The following LTBP1 variants were observed in gnomAD, a reference collection of about 807,000 sequenced individuals.
LTBP1 encodes the protein latent-transforming growth factor beta-binding protein 1.
In LTBP1, 129 loss-of-function variants were observed where a neutral mutation model predicts 207.6. The observed-to-expected ratio is 0.62, with a 90% CI of 0.54 to 0.72. The LOEUF is 0.72. LTBP1 is among the 30% of genes least tolerant of loss of function. The probability of loss-of-function intolerance (pLI) is 0.00; values close to 1 mark genes in which losing one functional copy is unlikely to be tolerated. For missense variants in LTBP1, 2,281 were observed against 2,217.2 expected, an observed-to-expected ratio of 1.03 and a Z score of -0.58; for synonymous variants, 963 against 833.7, an observed-to-expected ratio of 1.16 and a Z score of -2.67.
chr2:33,365,231 T>C (rs915829245), intron 30 of LTBP1, 102 bp from the exon 31 acceptor site: 2 of 1,007,916 alleles, frequency 2.0e-6, no homozygotes, highest in South Asian at 3.0e-5. Context: ...AAGTCACTCT[T>C]AGAAATAGAG....
chr2:33,290,588 C>T (rs1344700023), intron 19 of LTBP1, among the ~76,000 whole-genome samples: 1 of 152,134 alleles, frequency 6.6e-6, no homozygotes, highest in African/African-American at 2.4e-5. Context: ...AATTAAAAGA[C>T]TGTGGCAGTA....
intron 2 of LTBP1, among the ~76,000 whole-genome samples, chr2:32,959,621 A>ATATATATATATTTTT (rs1475834284): frequency 2.7e-5 from 1 of 36,668 alleles, no homozygotes; most frequent in African/African-American, 9.6e-5. Context: ...ATATATATAT[A>ATATATATATATTTTT]TTTTTTTTTT....
Position 33,300,566 on chromosome 2 carries a change from G to A in LTBP1, c.3351G>A (p.Gln1117=), listed in dbSNP as rs973728659. Residue 1117 remains glutamine (Q), a synonymous_variant, in exon 21 of 34, where the codon CAG becomes CAA. Transcript: ENST00000404816. ...QGYQLSAAKD[Q]CEDIDECQHR... is the part of the protein sequence containing the mutation. ...ACCAGCTGTCGGCAGCTAAAGACCA[G>A]TGTGAAGGTAAGAGGGTAGTAACAT... 3 of 1,613,088 alleles carry A rather than the reference G, an allele frequency of 1.9e-6. No individual in the cohort carries two copies. Among genetic ancestry groups the A allele is most frequent in the Non-Finnish European group, 2.5e-6 (3 of 1,179,356 alleles).
chr2:33,069,344 C>T (rs1363569899), intron 3 of LTBP1, among the ~76,000 whole-genome samples: 1 of 152,204 alleles, frequency 6.6e-6, no homozygotes, highest in Non-Finnish European at 1.5e-5. Context: ...TCCTCCTGTG[C>T]ATGGGAATAT....
intron 2 of LTBP1, among the ~76,000 whole-genome samples, chr2:32,981,594 C>T (rs1682771295): frequency 6.6e-6 from 1 of 152,118 alleles, no homozygotes; most frequent in Non-Finnish European, 1.5e-5. Context: ...ATTTTTAGAA[C>T]AATAAAACTA....
intron 26 of LTBP1, among the ~76,000 whole-genome samples, chr2:33,353,670 C>T (rs958516672): frequency 2.6e-5 from 4 of 151,974 alleles, no homozygotes; most frequent in African/African-American, 4.8e-5. Context: ...TTCACACTTC[C>T]GTGTAGGAAG....
intron 3 of LTBP1, among the ~76,000 whole-genome samples, chr2:33,057,756 T>C (rs558829238): frequency 1.3e-5 from 2 of 152,196 alleles, no homozygotes. Context: ...CACCGGGAAC[T>C]CTAGCTGGCC....
intron 24 of LTBP1, among the ~76,000 whole-genome samples, chr2:33,335,103 G>T (rs569626645): frequency 6.6e-6 from 1 of 150,790 alleles, no homozygotes; most frequent in African/African-American, 2.4e-5. Context: ...GGGCAACAGA[G>T]TGAGACCCTG....
intron 24 of LTBP1, among the ~76,000 whole-genome samples, chr2:33,334,965 G>A (rs1301980894): frequency 6.6e-6 from 1 of 151,192 alleles, no homozygotes; most frequent in South Asian, 2.1e-4. Context: ...TGTGGTCCCA[G>A]CTATTTGAGA....
At position 33,134,519 on chromosome 2, in the gene LTBP1, C is replaced by G. The variant is rs1164609518; in HGVS notation, c.1034-274C>G. 8.2e-6 allele frequency: 12 copies of G among 1,464,196 alleles called. No homozygotes were observed. The highest frequency in any genetic ancestry group is 1.1e-5 in the Non-Finnish European group (12 of 1,084,090). 90.7% of individuals were successfully genotyped at this position (1,464,196 alleles called of 1,614,324 possible). On this transcript the variant is annotated intron_variant, in intron 4 of 33. Transcript: ENST00000404816. The surrounding 1 kb of genome is among the most constrained non-coding windows in gnomAD (Gnocchi z 4.4). ...TGCAGCATTGTGGTTAGTAATCCCA[C>G]TCCAGTGACTCGACTTCAAATGTGG...
At chr2:33,343,935 A>G (rs1313405919) in intron 25 of LTBP1, among the ~76,000 whole-genome samples, 1 of 152,198 alleles carries the variant, frequency 6.6e-6, no homozygotes, top group African/African-American at 2.4e-5. Context: ...AGATAGCAAG[A>G]CTTTTCTTTT....
intron 7 of LTBP1, among the ~76,000 whole-genome samples, chr2:33,215,499 G>C (rs1467321718): frequency 1.3e-5 from 2 of 152,100 alleles, no homozygotes; most frequent in African/African-American, 4.8e-5. Flanking sequence ...GTTTGGTCTT[G>C]TTTTACAATT....
chr2:33,065,241 C>G (rs957114218), intron 3 of LTBP1, among the ~76,000 whole-genome samples: 1 of 152,102 alleles, frequency 6.6e-6, no homozygotes, highest in Admixed American at 6.6e-5. Flanking sequence ...AAATGTTAAA[C>G]CAACCTTGCA....
At chr2:33,150,710 CTTTTTTTTTTTT>C (rs1176008947) in intron 5 of LTBP1, among the ~76,000 whole-genome samples, 8 of 69,300 alleles carry the variant, frequency 1.2e-4, no homozygotes, top group African/African-American at 4.3e-4. Context: ...TTTTCTTTTT[CTTTTTTTTTTTT>C]TTTTTTTTTT....
intron 2 of LTBP1, among the ~76,000 whole-genome samples, chr2:32,979,427 C>T (rs192939047): frequency 2.6e-5 from 4 of 151,900 alleles, no homozygotes; most frequent in African/African-American, 9.6e-5. Flanking sequence ...AAAAAAATTC[C>T]TTCTTAACTT....
intron 4 of LTBP1, among the ~76,000 whole-genome samples, chr2:33,133,773 C>T (rs905325971): frequency 2.6e-5 from 4 of 152,080 alleles, no homozygotes; most frequent in East Asian, 1.9e-4. Flanking sequence ...CTGATAGAGA[C>T]GTTGAAAGTT....
intron 3 of LTBP1, among the ~76,000 whole-genome samples, chr2:33,090,448 G>T (rs1217045616): frequency 6.6e-6 from 1 of 152,162 alleles, no homozygotes; most frequent in Non-Finnish European, 1.5e-5. Context: ...TATCTCAAGT[G>T]TAGTTTCTTG....
chr2:33,168,298 ACTTG>A (rs1213418167), intron 5 of LTBP1, among the ~76,000 whole-genome samples: 1 of 151,570 alleles, frequency 6.6e-6, no homozygotes, highest in African/African-American at 2.4e-5. Flanking sequence ...CAGGAGGATC[ACTTG>A]AACCCAGGAG....
At chr2:32,955,061 A>G (rs575759582) in intron 2 of LTBP1, among the ~76,000 whole-genome samples, 1 of 152,372 alleles carries the variant, frequency 6.6e-6, no homozygotes, top group South Asian at 2.1e-4. Flanking sequence ...AAATTCAACA[A>G]ATTGAATCAA....
Sources: gnomAD v4.1 joint callset for allele counts (sites outside exome capture counted in the v4.1 genomes callset) on GRCh38, gnomAD v4.1.1 for gene constraint, Gnocchi (gnomAD v3.1) non-coding constraint, MANE v1.5 for transcripts, NCBI Gene and HGNC (gene_info 2026-07-23, HGNC 2026-07-21) for gene names.